The following SP140 variants were observed in gnomAD, a reference collection of about 807,000 sequenced individuals.
The protein encoded by SP140 is nuclear body protein SP140.
A neutral mutation model predicts 125.0 loss-of-function variants in SP140; 81 were observed. The ratio of observed to expected loss-of-function variants is 0.65; its 90% CI spans 0.54 to 0.78. The LOEUF (loss-of-function observed/expected upper bound fraction) is 0.78, where lower values mean the gene tolerates loss of function less well. Ranked by LOEUF, SP140 falls within the 30% of genes least tolerant of loss-of-function variation. The pLI, the probability that SP140 is intolerant of heterozygous loss-of-function variation, is 0.00. For synonymous variants in SP140, 312 were observed against 354.0 expected, an observed-to-expected ratio of 0.88 and a Z score of 1.33; for missense variants, 858 against 1,037.0, an observed-to-expected ratio of 0.83 and a Z score of 2.37.
At chr2:230,218,011 G>A (rs1422782672) in intron 3 of SP140, among the ~76,000 whole-genome samples, 1 of 152,202 alleles carries the variant, frequency 6.6e-6, no homozygotes, top group Non-Finnish European at 1.5e-5. Context: ...TCTCAGACAT[G>A]CGCCTTTTCC....
At chr2:230,249,208 A>C (rs2049979644) in intron 9 of SP140, among the ~76,000 whole-genome samples, 2 of 152,140 alleles carry the variant, frequency 1.3e-5, no homozygotes, top group African/African-American at 4.8e-5. Flanking sequence ...AGGGAGAACG[A>C]ATATACCAGA....
At chr2:230,212,237 T>G (rs995480616) in intron 1 of SP140, 3 of 797,834 alleles carry the variant, frequency 3.8e-6, no homozygotes, top group Admixed American at 3.9e-5. Flanking sequence ...TCCTTTGTAT[T>G]GCTCAGTTCT....
At chr2:230,209,240 GGAGGCCAA>G (rs2044205466) in intron 1 of SP140, among the ~76,000 whole-genome samples, 2 of 152,068 alleles carry the variant, frequency 1.3e-5, no homozygotes, top group Admixed American at 1.3e-4. Context: ...TTTGGGTATG[GGAGGCCAA>G]GAATTGGTGG....
chr2:230,245,602 G>C (rs2049320965), intron 6 of SP140, among the ~76,000 whole-genome samples: 1 of 152,144 alleles, frequency 6.6e-6, no homozygotes, highest in African/African-American at 2.4e-5. Context: ...TCAAGTCAAA[G>C]AGATCCTGGA....
At chr2:230,230,819 T>C (rs2047130831) in intron 1 of SP140, among the ~76,000 whole-genome samples, 1 of 152,252 alleles carries the variant, frequency 6.6e-6, no homozygotes, top group African/African-American at 2.4e-5. Flanking sequence ...TTCTTGGCTA[T>C]CACTACTTGA....
At chr2:230,306,071 A>C (rs1038249719) in intron 22 of SP140, among the ~76,000 whole-genome samples, 1 of 152,166 alleles carries the variant, frequency 6.6e-6, no homozygotes, top group Non-Finnish European at 1.5e-5. Context: ...CCACCAACCC[A>C]GGCTGCAAGG....
intron 3 of SP140, among the ~76,000 whole-genome samples, chr2:230,239,757 T>G (rs1574944834): frequency 6.6e-6 from 1 of 152,222 alleles, no homozygotes; most frequent in East Asian, 1.9e-4. Flanking sequence ...CCTGTTATTA[T>G]CTTTAACTTT....
chr2:230,282,078 T>C (rs962596797), intron 15 of SP140, among the ~76,000 whole-genome samples: 4 of 152,122 alleles, frequency 2.6e-5, no homozygotes, highest in East Asian at 1.9e-4. Flanking sequence ...AGGGGACCAA[T>C]AGCAAACCTG....
intron 19 of SP140, among the ~76,000 whole-genome samples, chr2:230,291,462 C>G (rs572364795): frequency 1.3e-5 from 2 of 152,320 alleles, no homozygotes; most frequent in South Asian, 4.1e-4. Context: ...AGCCACTAAT[C>G]TATTTTCTGC....
At chr2:230,201,829 G>A (rs1341710933), upstream of SP140, among the ~76,000 whole-genome samples, 1 of 152,192 alleles carries the variant, frequency 6.6e-6, no homozygotes, top group Non-Finnish European at 1.5e-5. Flanking sequence ...AATTGATATG[G>A]TTTCAAATTT....
At chr2:230,251,572 CACTT>C (rs902801828) in intron 10 of SP140, among the ~76,000 whole-genome samples, 8 of 152,172 alleles carry the variant, frequency 5.3e-5, no homozygotes, top group African/African-American at 1.9e-4. Context: ...TATTCTCACT[CACTT>C]TTTCTATGGG....
At chr2:230,264,376 C>A (rs1212227414) in intron 12 of SP140, among the ~76,000 whole-genome samples, 1 of 152,232 alleles carries the variant, frequency 6.6e-6, no homozygotes, top group Middle Eastern at 3.4e-3. Flanking sequence ...CCCTTCACTT[C>A]TTGTATCATA....
At chr2:230,292,452 C>A (rs13405817) in intron 19 of SP140, among the ~76,000 whole-genome samples, 194 bp from the exon 20 acceptor site, 2,846 of 152,298 alleles carry the variant, frequency 0.019, 76 homozygotes, top group African/African-American at 0.064. Context: ...AATGTGCACC[C>A]CCACCAGGAA....
At chr2:230,260,772 G>A (rs2052096922) in intron 12 of SP140, among the ~76,000 whole-genome samples, 1 of 152,104 alleles carries the variant, frequency 6.6e-6, no homozygotes, top group Non-Finnish European at 1.5e-5. Flanking sequence ...GTTTACTTCT[G>A]GGTTCTCTGT....
chr2:230,268,311 G>A (rs950332562), intron 12 of SP140, among the ~76,000 whole-genome samples: 2 of 152,022 alleles, frequency 1.3e-5, no homozygotes, highest in African/African-American at 4.8e-5. Context: ...ATCACCTGAG[G>A]TCAGGAGTTC....
At chr2:230,241,997 A>G (rs1286874805) in intron 4 of SP140, among the ~76,000 whole-genome samples, 1 of 152,138 alleles carries the variant, frequency 6.6e-6, no homozygotes, top group Non-Finnish European at 1.5e-5. Context: ...GGGAGCCTGA[A>G]AGATAGAATT....
At chr2:230,264,394 T>C (rs1046529420) in intron 12 of SP140, among the ~76,000 whole-genome samples, 1 of 152,216 alleles carries the variant, frequency 6.6e-6, no homozygotes, top group South Asian at 2.1e-4. Context: ...ATATTTTGGA[T>C]TTCCTTGCAT....
At chr2:230,307,080 C>T (rs761763845) in intron 22 of SP140, among the ~76,000 whole-genome samples, 2 of 152,164 alleles carry the variant, frequency 1.3e-5, no homozygotes, top group Non-Finnish European at 2.9e-5. Flanking sequence ...TCCTGGACAA[C>T]CAGCAGCAGA....
chr2:230,195,884 T>TG, the SP140 span, among the ~76,000 whole-genome samples: 3 of 151,990 alleles, frequency 2.0e-5, no homozygotes, highest in Admixed American at 6.5e-5. Context: ...AAGGTTAATA[T>TG]CCTTATTAGA....
Sources: gnomAD v4.1 joint callset for allele counts (sites outside exome capture counted in the v4.1 genomes callset) on GRCh38, gnomAD v4.1.1 for gene constraint, MANE v1.5 for transcripts, NCBI Gene and HGNC (gene_info 2026-07-23, HGNC 2026-07-21) for gene names.